Variants in ITGAV observed in about 807,000 individuals in gnomAD.
ITGAV encodes integrin subunit alpha V.
ITGAV carries 76 observed loss-of-function variants against 143.8 expected under a neutral mutation model. The observed-to-expected ratio is 0.53, with a 90% CI of 0.44 to 0.64. ITGAV has a LOEUF of 0.64. Ranked by LOEUF, ITGAV falls within the 30% of genes least tolerant of loss-of-function variation. The pLI is 0.00. For missense variants in ITGAV, 1,193 were observed against 1,274.7 expected (o/e 0.94, Z 0.98); for synonymous variants, 453 against 446.7 (o/e 1.01, Z -0.18).
At chr2:186,600,401 C>A in intron 1 of ITGAV, 1 of 1,513,050 alleles carries the variant, frequency 6.6e-7, no homozygotes, top group South Asian at 1.2e-5. Context: ...TTAGAAATAA[C>A]TTCTCTGTCT....
chr2:186,656,347 G>T lies in ITGAV; in HGVS notation c.1665G>T (p.Met555Ile). Residue 555 changes from methionine to isoleucine, a missense_variant, in exon 17 of 30, where the codon ATG becomes ATT. Met to Ile is a conservative substitution (Grantham distance 10, BLOSUM62 1). Transcript: ENST00000261023. ...GGTCCCCAAGTCACTCCAAGAACAT[G>T]ACTATTTCAAGGGGGGGACTGATGC... ...YSRSPSHSKN[M>I]TISRGGLMQC... The T allele has an allele frequency of 6.4e-7, 1 of 1,563,508 alleles. No individual in the cohort carries two copies. The highest frequency in any genetic ancestry group is 8.6e-7 in the Non-Finnish European group (1 of 1,160,804).
In ITGAV at chr2:186,677,085, A is replaced by C. The variant is rs1689234368; in HGVS notation, c.3052-112A>C. On this transcript the variant is annotated intron_variant, in intron 29 of 29. Transcript: ENST00000261023. ...ATTACTTATTATATGAGGGAAGATA[A>C]ATTTTATGAAATACAATTTAAATGT... 12 of 1,234,260 alleles carry C rather than the reference A, an allele frequency of 9.7e-6. No homozygotes were observed. The Admixed American group carries it at 1.7e-4, about 18-fold the overall frequency. The allele number at this position is 1,234,260 out of a possible 1,614,324, so 76.5% of individuals were successfully genotyped here.
chr2:186,637,677 C>A (rs370555591), intron 8 of ITGAV, among the ~76,000 whole-genome samples: 100 of 152,250 alleles, frequency 6.6e-4, no homozygotes, highest in African/African-American at 2.3e-3. Context: ...CTTTCTGCTT[C>A]TTTTTAGCCC....
intron 2 of ITGAV, among the ~76,000 whole-genome samples, chr2:186,604,450 C>A (rs1282251950): frequency 6.6e-6 from 1 of 152,066 alleles, no homozygotes; most frequent in African/African-American, 2.4e-5. Context: ...TTATTATGAA[C>A]ACTGCTGTAG....
chr2:186,616,252 T>A (rs895684716), intron 2 of ITGAV, among the ~76,000 whole-genome samples: 1 of 151,350 alleles, frequency 6.6e-6, no homozygotes, highest in Admixed American at 6.6e-5. Flanking sequence ...TATTTGCAGC[T>A]CTGAGTCAAT....
intron 12 of ITGAV, among the ~76,000 whole-genome samples, chr2:186,643,995 G>A (rs890755574): frequency 5.9e-5 from 9 of 152,180 alleles, no homozygotes; most frequent in African/African-American, 2.2e-4. Context: ...CCAGGCTGGA[G>A]TGCAGTGGTA....
rs917830368 is a variant in ITGAV at position 186,645,340 on chromosome 2, A to G, written c.1160-1346A>G. ...GGACAAATAGAAGGAATAGAGTTGT[A>G]AAAGCTCTGGAGCAAAAGGCAGAGA... On this transcript the variant is annotated intron_variant, in intron 12 of 29. Transcript: ENST00000261023. 3.9e-5 allele frequency among the ~76,000 whole-genome samples: 6 copies of G among 152,306 alleles called. No homozygotes were observed. In the South Asian group the frequency reaches 6.2e-4, roughly 16 times the overall value.
At chr2:186,657,008 A>T (rs1228459106) in intron 17 of ITGAV, among the ~76,000 whole-genome samples, 1 of 142,282 alleles carries the variant, frequency 7.0e-6, no homozygotes, top group Non-Finnish European at 1.5e-5. Flanking sequence ...ACACACACAC[A>T]CACACACACA....
At chr2:186,622,255 C>A (rs1009819300) in intron 2 of ITGAV, 84 bp from the exon 3 acceptor site, 3 of 919,038 alleles carry the variant, frequency 3.3e-6, no homozygotes, top group Non-Finnish European at 5.2e-6. Flanking sequence ...TGTACTATTT[C>A]TCAACCTAGC....
At chr2:186,643,731 GA>G (rs781438320) in intron 12 of ITGAV, among the ~76,000 whole-genome samples, 13 of 152,072 alleles carry the variant, frequency 8.5e-5, no homozygotes, top group Non-Finnish European at 1.5e-4. Context: ...GGAAAAAAAA[GA>G]AAAGCAGGAA....
At chr2:186,616,559 C>T (rs1040740789) in intron 2 of ITGAV, among the ~76,000 whole-genome samples, 2 of 151,914 alleles carry the variant, frequency 1.3e-5, no homozygotes, top group Admixed American at 6.6e-5. Flanking sequence ...ATTACAGGCG[C>T]GAGCCACCGC....
chr2:186,666,378 G>A (rs2105744249), intron 21 of ITGAV, among the ~76,000 whole-genome samples: 1 of 152,052 alleles, frequency 6.6e-6, no homozygotes, highest in East Asian at 1.9e-4. Flanking sequence ...GGTTAGCTTC[G>A]TGTTATCAAA....
chr2:186,665,369 G>C, intron 21 of ITGAV, 151 bp downstream of exon 21: 1 of 612,490 alleles, frequency 1.6e-6, no homozygotes, highest in Non-Finnish European at 2.9e-6. Context: ...GCAGAGTTTT[G>C]CTTAGTTTTA....
At chr2:186,668,336 C>G (rs1443525987) in intron 24 of ITGAV, among the ~76,000 whole-genome samples, 1 of 145,044 alleles carries the variant, frequency 6.9e-6, no homozygotes, top group East Asian at 2.1e-4. Context: ...AGCGATTCTC[C>G]TGCCTCAGCT....
At chr2:186,614,611 C>G (rs1055712688) in intron 2 of ITGAV, among the ~76,000 whole-genome samples, 1 of 151,872 alleles carries the variant, frequency 6.6e-6, no homozygotes, top group African/African-American at 2.4e-5. Flanking sequence ...TCTGTCATTT[C>G]TGGTAAGCTT....
chr2:186,596,795 C>T (rs1686761797), intron 1 of ITGAV, among the ~76,000 whole-genome samples: 1 of 152,154 alleles, frequency 6.6e-6, no homozygotes, highest in South Asian at 2.1e-4. Flanking sequence ...TACACAGCTT[C>T]CTCGTAAGAC....
intron 18 of ITGAV, among the ~76,000 whole-genome samples, 198 bp downstream of exon 18, chr2:186,659,373 T>C (rs372408814): frequency 1.3e-5 from 2 of 152,130 alleles, no homozygotes; most frequent in East Asian, 1.9e-4. Flanking sequence ...AAGTCAGAGA[T>C]ATTTAAAGCC....
intron 22 of ITGAV, 24 bp from the exon 23 acceptor site, chr2:186,667,126 T>C (rs1364604163): frequency 2.5e-6 from 4 of 1,577,842 alleles, no homozygotes; most frequent in South Asian, 2.3e-5. Context: ...AATTCATTTT[T>C]AAGTTTTTTT....
At chr2:186,668,185 CATATATATAT>C (rs1225346630) in intron 24 of ITGAV, among the ~76,000 whole-genome samples, 483 of 19,062 alleles carry the variant, frequency 0.025, 31 homozygotes, top group African/African-American at 0.06. Flanking sequence ...TACATACATA[CATATATATAT>C]ATATATATAT....
Sources: allele counts gnomAD v4.1 joint callset (sites outside exome capture counted in the v4.1 genomes callset), GRCh38; gene constraint gnomAD v4.1.1; transcripts MANE v1.5; gene names NCBI Gene and HGNC (gene_info 2026-07-23, HGNC 2026-07-21).